Variants in KCNIP1 observed in about 807,000 individuals in gnomAD.
The protein encoded by KCNIP1 is A-type potassium channel modulatory protein KCNIP1.
In KCNIP1, 18 loss-of-function variants were observed where a neutral mutation model predicts 33.0. The ratio of observed to expected loss-of-function variants is 0.55; its 90% CI spans 0.38 to 0.81. The LOEUF is 0.81. KCNIP1 is among the 30% of genes least tolerant of loss of function. The pLI, the probability that KCNIP1 is intolerant of heterozygous loss-of-function variation, is 0.00. For synonymous variants in KCNIP1, 93 were observed against 98.3 expected (o/e 0.95, Z 0.32); for missense variants, 238 against 271.6 (o/e 0.88, Z 0.87).
intron 1 of KCNIP1, among the ~76,000 whole-genome samples, chr5:170,400,439 G>T (rs1754872768): frequency 1.3e-5 from 2 of 152,082 alleles, no homozygotes; most frequent in Non-Finnish European, 2.9e-5. Context: ...ACAGCATGGG[G>T]GAGACTTCCC....
intron 1 of KCNIP1, among the ~76,000 whole-genome samples, chr5:170,365,023 CCAA>C (rs1763619186): frequency 6.6e-6 from 1 of 152,292 alleles, no homozygotes; most frequent in East Asian, 1.9e-4. Flanking sequence ...TACGCTTTGG[CCAA>C]CATCTCCGTT....
At chr5:170,717,336 C>G (rs1290266451) in intron 1 of KCNIP1, among the ~76,000 whole-genome samples, 1 of 151,968 alleles carries the variant, frequency 6.6e-6, no homozygotes, top group Non-Finnish European at 1.5e-5. Flanking sequence ...ATCTTGTTAG[C>G]TACAAACACA....
At chr5:170,704,164 A>G (rs573469922) in intron 1 of KCNIP1, among the ~76,000 whole-genome samples, 1 of 137,584 alleles carries the variant, frequency 7.3e-6, no homozygotes, top group African/African-American at 2.7e-5. Flanking sequence ...TCTGTGCACC[A>G]GTAGATTCTG....
At chr5:170,645,979 C>A (rs1760767097) in intron 1 of KCNIP1, among the ~76,000 whole-genome samples, 1 of 152,042 alleles carries the variant, frequency 6.6e-6, no homozygotes, top group Non-Finnish European at 1.5e-5. Flanking sequence ...CCTCTATGCC[C>A]ACAAATTTGA....
chr5:170,551,918 GAGT>G (rs1561682675), intron 1 of KCNIP1, among the ~76,000 whole-genome samples: 1 of 151,646 alleles, frequency 6.6e-6, no homozygotes, highest in Non-Finnish European at 1.5e-5. Flanking sequence ...GTGTATGTAT[GAGT>G]ACACGTATGA....
intron 1 of KCNIP1, among the ~76,000 whole-genome samples, chr5:170,373,642 G>A (rs1376628839): frequency 2.0e-5 from 3 of 152,212 alleles, no homozygotes; most frequent in Admixed American, 2.0e-4. Flanking sequence ...ATTGGGAGAA[G>A]TGGTATTGTT....
chr5:170,588,231 C>A (rs1758070645), intron 1 of KCNIP1, among the ~76,000 whole-genome samples: 1 of 152,172 alleles, frequency 6.6e-6, no homozygotes, highest in South Asian at 2.1e-4. Context: ...TTCTGACAGT[C>A]ACTGTTGACT....
chr5:170,632,721 A>G (rs1211430099), intron 1 of KCNIP1, among the ~76,000 whole-genome samples: 1 of 152,228 alleles, frequency 6.6e-6, no homozygotes, highest in African/African-American at 2.4e-5. Context: ...ACATTTAATA[A>G]GTGGAAGAGC....
chr5:170,579,111 T>C (rs1757703047), intron 1 of KCNIP1, among the ~76,000 whole-genome samples: 1 of 152,210 alleles, frequency 6.6e-6, no homozygotes, highest in South Asian at 2.1e-4. Flanking sequence ...AACCCAGGCA[T>C]GATTCTCTTC....
chr5:170,462,391 C>G (rs376579706), intron 1 of KCNIP1, among the ~76,000 whole-genome samples: 2 of 151,668 alleles, frequency 1.3e-5, no homozygotes, highest in East Asian at 3.9e-4. Context: ...TTCAACATCA[C>G]TAATGATCAG....
intron 1 of KCNIP1, among the ~76,000 whole-genome samples, chr5:170,594,716 G>A (rs1758382654): frequency 6.6e-6 from 1 of 152,116 alleles, no homozygotes; most frequent in Non-Finnish European, 1.5e-5. Flanking sequence ...TCACCATGTT[G>A]GCCAGGCTGC....
At chr5:170,390,521 T>A (rs58798122) in intron 1 of KCNIP1, among the ~76,000 whole-genome samples, 3,701 of 80,238 alleles carry the variant, frequency 0.046, 378 homozygotes, top group African/African-American at 0.13. Flanking sequence ...AAAACAAATA[T>A]ATATATATAT....
chr5:170,518,420 T>A (rs575586919), intron 1 of KCNIP1, among the ~76,000 whole-genome samples: 1 of 152,352 alleles, frequency 6.6e-6, no homozygotes, highest in Non-Finnish European at 1.5e-5. Context: ...TTCAGAATCA[T>A]TTTAATGTAA....
intron 1 of KCNIP1, among the ~76,000 whole-genome samples, chr5:170,389,969 T>C (rs1038132944): frequency 2.0e-5 from 3 of 152,180 alleles, no homozygotes; most frequent in African/African-American, 7.2e-5. Context: ...TGGGGATTTA[T>C]GGCAAGGGGA....
intron 1 of KCNIP1, among the ~76,000 whole-genome samples, chr5:170,466,346 G>T (rs1335392024): frequency 1.3e-5 from 2 of 152,192 alleles, no homozygotes; most frequent in Non-Finnish European, 2.9e-5. Context: ...TGTCTAGTCA[G>T]AATGTGGATA....
At chr5:170,629,564 C>T (rs1431829243) in intron 1 of KCNIP1, among the ~76,000 whole-genome samples, 3 of 152,194 alleles carry the variant, frequency 2.0e-5, no homozygotes, top group South Asian at 2.1e-4. Flanking sequence ...AGCACACTGT[C>T]CTTTCTCCAG....
chr5:170,407,696 G>T (rs954180199), intron 1 of KCNIP1, among the ~76,000 whole-genome samples: 1 of 152,148 alleles, frequency 6.6e-6, no homozygotes, highest in Non-Finnish European at 1.5e-5. Flanking sequence ...TGCTAGTCTT[G>T]ACTTCCAACC....
intron 4 of KCNIP1, 28 bp from the exon 5 acceptor site, chr5:170,722,685 A>T: frequency 6.8e-7 from 1 of 1,465,382 alleles, no homozygotes. Flanking sequence ...TTGATGGTTA[A>T]TGTCACTCTG....
chr5:170,655,465 G>A (rs1023141570), intron 1 of KCNIP1, among the ~76,000 whole-genome samples: 1 of 152,190 alleles, frequency 6.6e-6, no homozygotes, highest in African/African-American at 2.4e-5. Flanking sequence ...GAATTCGCAT[G>A]CACCAAACCA....
Sources: allele counts gnomAD v4.1 joint callset (sites outside exome capture counted in the v4.1 genomes callset), GRCh38; gene constraint gnomAD v4.1.1; transcripts MANE v1.5; gene names NCBI Gene and HGNC (gene_info 2026-07-23, HGNC 2026-07-21).